Variants in CACNA1D observed in about 807,000 individuals in gnomAD.
The protein encoded by CACNA1D is voltage-dependent L-type calcium channel subunit alpha-1D.
Under a neutral mutation model 257.1 loss-of-function variants are expected in CACNA1D, and 55 were observed. The observed-to-expected ratio is 0.21, with a 90% confidence interval of 0.17 to 0.27. The LOEUF is 0.27. CACNA1D is among the 10% of genes least tolerant of loss of function. The pLI, the probability that CACNA1D is intolerant of heterozygous loss-of-function variation, is 1.00. For synonymous variants in CACNA1D, 980 were observed against 1,014.9 expected, an observed-to-expected ratio of 0.97 and a Z score of 0.65; for missense variants, 1,876 against 2,784.0, an observed-to-expected ratio of 0.67 and a Z score of 7.34.
intron 3 of CACNA1D, 58 bp from the exon 4 acceptor site, chr3:53,650,721 T>A: frequency 1.3e-6 from 2 of 1,574,626 alleles, no homozygotes; most frequent in African/African-American, 1.3e-5. Context: ...CCTTTTTCTG[T>A]CTCCTCTTCC....
chr3:53,613,863 T>C (rs2093608436), intron 3 of CACNA1D, among the ~76,000 whole-genome samples: 1 of 152,096 alleles, frequency 6.6e-6, no homozygotes, highest in Admixed American at 6.6e-5. Flanking sequence ...TCAATCTGTA[T>C]CTGTAACCAG....
chr3:53,795,709 T>C (rs1489942590), intron 40 of CACNA1D, among the ~76,000 whole-genome samples: 1 of 152,236 alleles, frequency 6.6e-6, no homozygotes, highest in Non-Finnish European at 1.5e-5. Flanking sequence ...TTTTTTTGAT[T>C]CGGTTGTTAA....
intron 40 of CACNA1D, among the ~76,000 whole-genome samples, chr3:53,794,139 C>CCTTTG (rs1277051409): frequency 1.3e-5 from 2 of 152,148 alleles, no homozygotes; most frequent in African/African-American, 4.8e-5. Context: ...TAATTATGTT[C>CCTTTG]AGGAGTCTTT....
At chr3:53,802,813 C>A (rs1328636647) in intron 43 of CACNA1D, among the ~76,000 whole-genome samples, 1 of 152,212 alleles carries the variant, frequency 6.6e-6, no homozygotes, top group Non-Finnish European at 1.5e-5. Context: ...ATTGACATCA[C>A]CACGTCCTTC....
In CACNA1D at chr3:53,548,669, G is replaced by A. The variant is rs1420677285; in HGVS notation, c.483+46949G>A. On this transcript the variant is annotated intron_variant, in intron 3 of 47. Transcript: ENST00000350061. ...AGACTGTTAGGTATTATTTCTGCTTGTATTATCTCTCCCTTTCTGATTTGT... is the reference window on the plus strand; with the variant it reads ...AGACTGTTAGGTATTATTTCTGCTTATATTATCTCTCCCTTTCTGATTTGT... 2.0e-5 allele frequency among the ~76,000 whole-genome samples: 3 copies of A among 152,030 alleles called. No homozygotes were observed. The East Asian group carries it at 5.8e-4, about 29-fold the overall frequency.
In CACNA1D at chr3:53,723,856, C is replaced by T. The variant is rs776659133; in HGVS notation, c.1957C>T (p.Leu653=). ...AAACTCCATGAAGTCCATCGCTTCG[C>T]TGTTGCTTCTGCTTTTTCTCTTCAT... The part of the protein sequence containing the change: ...LLNSMKSIAS[L]LLLLFLFIII... Residue 653 remains leucine, a synonymous_variant, in exon 14 of 48, where the codon CTG becomes TTG. Coordinates refer to ENST00000350061, the MANE Select transcript of CACNA1D (RefSeq NM_001128840.3). The surrounding 1 kb of genome is among the most constrained non-coding windows in gnomAD (Gnocchi z 5.6). 14 of 1,614,082 alleles carry T rather than the reference C, an allele frequency of 8.7e-6. No individual in the cohort carries two copies. Among genetic ancestry groups the T allele is most frequent in the Non-Finnish European group, 1.2e-5 (14 of 1,180,030 alleles).
At chr3:53,553,848 C>G (rs1180590678) in intron 3 of CACNA1D, among the ~76,000 whole-genome samples, 1 of 151,054 alleles carries the variant, frequency 6.6e-6, no homozygotes, top group Non-Finnish European at 1.5e-5. Flanking sequence ...AGGCCTAAGC[C>G]TTTGCAGTAG....
At chr3:53,680,769 G>T (rs913503670) in intron 8 of CACNA1D, among the ~76,000 whole-genome samples, 1 of 152,196 alleles carries the variant, frequency 6.6e-6, no homozygotes, top group East Asian at 1.9e-4. Context: ...AATTTGGCTT[G>T]TGAGAAACAA....
chr3:53,515,814 A>C (rs2091310274), intron 3 of CACNA1D, among the ~76,000 whole-genome samples: 3 of 152,222 alleles, frequency 2.0e-5, no homozygotes, highest in Non-Finnish European at 2.9e-5. Flanking sequence ...AGAGGATTAA[A>C]GGCGATTTTG....
chr3:53,532,768 G>T (rs954074729), intron 3 of CACNA1D, among the ~76,000 whole-genome samples: 4 of 152,078 alleles, frequency 2.6e-5, no homozygotes, highest in African/African-American at 9.7e-5. Flanking sequence ...TTTTTAGCTG[G>T]GAGGAATAGA....
At chr3:53,685,863 A>G (rs892661813) in intron 8 of CACNA1D, among the ~76,000 whole-genome samples, 2 of 152,102 alleles carry the variant, frequency 1.3e-5, no homozygotes, top group African/African-American at 4.8e-5. Flanking sequence ...ATTTCCATCT[A>G]CTAATCTAGA....
At chr3:53,569,363 G>A (rs978108388) in intron 3 of CACNA1D, among the ~76,000 whole-genome samples, 1 of 152,184 alleles carries the variant, frequency 6.6e-6, no homozygotes, top group African/African-American at 2.4e-5. Context: ...TGGCTTAGGC[G>A]TACGTGTTGG....
chr3:53,732,172 CA>C, intron 18 of CACNA1D, 90 bp downstream of exon 18: 1 of 1,004,780 alleles, frequency 1.0e-6, no homozygotes, highest in Non-Finnish European at 1.6e-6. Flanking sequence ...CCAGCCAGCC[CA>C]GCAGCGTGCA....
chr3:53,747,265 G>T (rs1185683553), intron 25 of CACNA1D, 37 bp from the exon 26 acceptor site: 1 of 1,602,058 alleles, frequency 6.2e-7, no homozygotes, highest in African/African-American at 1.3e-5. Flanking sequence ...CCTGTCATGT[G>T]TGAAGCCAGA....
chr3:53,710,966 C>T (rs934004325), intron 9 of CACNA1D, among the ~76,000 whole-genome samples: 21 of 152,166 alleles, frequency 1.4e-4, no homozygotes, highest in African/African-American at 5.1e-4. Flanking sequence ...TGCAGTGGCT[C>T]ACACCTGTAA....
intron 3 of CACNA1D, among the ~76,000 whole-genome samples, chr3:53,526,208 A>G (rs903256115): frequency 6.6e-6 from 1 of 152,188 alleles, no homozygotes; most frequent in Non-Finnish European, 1.5e-5. Context: ...GGGCCAGGTC[A>G]TGTGCGTCAC....
chr3:53,589,187 A>G (rs949297131), intron 3 of CACNA1D, among the ~76,000 whole-genome samples: 1 of 152,176 alleles, frequency 6.6e-6, no homozygotes, highest in African/African-American at 2.4e-5. Context: ...CCCTATCCTC[A>G]TTAGCATAAC....
chr3:53,744,620 A>G (rs911337744), intron 22 of CACNA1D, 120 bp from the exon 23 acceptor site: 4 of 769,834 alleles, frequency 5.2e-6, no homozygotes, highest in Middle Eastern at 2.3e-4. Context: ...TCAGCACCAC[A>G]TGGATCCCAC....
intron 8 of CACNA1D, among the ~76,000 whole-genome samples, chr3:53,681,395 A>G (rs1224213497): frequency 1.3e-5 from 2 of 152,190 alleles, no homozygotes; most frequent in African/African-American, 4.8e-5. Flanking sequence ...GATATAACAG[A>G]CGAATAAGAA....
Sources: allele counts gnomAD v4.1 joint callset (sites outside exome capture counted in the v4.1 genomes callset), GRCh38; gene constraint gnomAD v4.1.1; non-coding constraint Gnocchi (gnomAD v3.1); transcripts MANE v1.5; gene names NCBI Gene and HGNC (gene_info 2026-07-23, HGNC 2026-07-21).